SDK1: variants seen among roughly 807,000 people sequenced by gnomAD.
SDK1 encodes the protein sidekick cell adhesion molecule 1, also known as protein sidekick-1.
In SDK1, 157 loss-of-function variants were observed where a neutral mutation model predicts 245.5. That is an observed-to-expected ratio of 0.64 (90% CI 0.56 to 0.73). The LOEUF (loss-of-function observed/expected upper bound fraction) is 0.73. Ranked by LOEUF, SDK1 falls within the 30% of genes least tolerant of loss-of-function variation. The pLI, the probability that SDK1 is intolerant of heterozygous loss-of-function variation, is 0.00. For missense variants in SDK1, 3,583 were observed against 3,002.3 expected (o/e 1.19, Z -4.52); for synonymous variants, 1,647 against 1,278.5 (o/e 1.29, Z -6.15).
At chr7:3,770,456 A>AT (rs1374636688) in intron 4 of SDK1, among the ~76,000 whole-genome samples, 1 of 152,210 alleles carries the variant, frequency 6.6e-6, no homozygotes, top group Non-Finnish European at 1.5e-5. Flanking sequence ...TTTATCTGAG[A>AT]TAAAAATCTC....
At chr7:4,224,376 G>A (rs1047394807) in intron 40 of SDK1, among the ~76,000 whole-genome samples, 4 of 152,220 alleles carry the variant, frequency 2.6e-5, no homozygotes, top group African/African-American at 9.6e-5. Context: ...CATGGCTGGG[G>A]CAGGAGGAAG....
intron 5 of SDK1, among the ~76,000 whole-genome samples, chr7:3,922,624 G>A (rs1392244468): frequency 6.6e-6 from 1 of 152,176 alleles, no homozygotes; most frequent in African/African-American, 2.4e-5. Context: ...AAGAAATCTA[G>A]TTTTGGGATT....
At chr7:3,806,487 C>G (rs1000517960) in intron 4 of SDK1, among the ~76,000 whole-genome samples, 2 of 152,250 alleles carry the variant, frequency 1.3e-5, no homozygotes, top group Admixed American at 6.5e-5. Context: ...GATGCTCACC[C>G]TTCCCTGCCT....
intron 17 of SDK1, among the ~76,000 whole-genome samples, chr7:4,036,524 AAC>A (rs1788231188): frequency 1.3e-5 from 2 of 152,200 alleles, no homozygotes; most frequent in African/African-American, 4.8e-5. Flanking sequence ...TTAACACCGT[AAC>A]ATAGTTGAAA....
intron 31 of SDK1, among the ~76,000 whole-genome samples, chr7:4,161,269 C>A (rs1042326723): frequency 6.6e-6 from 1 of 152,186 alleles, no homozygotes; most frequent in Non-Finnish European, 1.5e-5. Context: ...TGGCAGACTC[C>A]CCTTCACTTC....
At chr7:3,319,878 C>CTTTTTTTTTTTTTT (rs57770805) in intron 1 of SDK1, among the ~76,000 whole-genome samples, 26 of 88,112 alleles carry the variant, frequency 3.0e-4, no homozygotes, top group South Asian at 4.0e-4. Flanking sequence ...CATTCTTAGT[C>CTTTTTTTTTTTTTT]TTTTTTTTTT....
chr7:3,682,598 C>G (rs1302369456), intron 4 of SDK1, among the ~76,000 whole-genome samples: 3 of 8,504 alleles, frequency 3.5e-4, no homozygotes, highest in Non-Finnish European at 7.0e-4. Context: ...CCTCTCCTTC[C>G]TGTGTTCTTC....
chr7:4,021,769 G>A (rs922690454), intron 17 of SDK1, among the ~76,000 whole-genome samples: 1 of 152,218 alleles, frequency 6.6e-6, no homozygotes, highest in Non-Finnish European at 1.5e-5. Flanking sequence ...TTGTGGCAGA[G>A]GCTGGCAACG....
chr7:4,171,481 T>G (rs1048148993), intron 32 of SDK1, among the ~76,000 whole-genome samples: 1 of 152,144 alleles, frequency 6.6e-6, no homozygotes, highest in Non-Finnish European at 1.5e-5. Flanking sequence ...TTTTTATAGC[T>G]TTAAAAAAAG....
At chr7:3,453,154 T>A (rs569855812) in intron 1 of SDK1, among the ~76,000 whole-genome samples, 1 of 152,152 alleles carries the variant, frequency 6.6e-6, no homozygotes, top group Non-Finnish European at 1.5e-5. Flanking sequence ...TCCAACTCTT[T>A]CCCTCACCAA....
chr7:3,952,094 G>A (rs1780880810), intron 7 of SDK1, 174 bp downstream of exon 7: 2 of 621,358 alleles, frequency 3.2e-6, no homozygotes, highest in Admixed American at 3.2e-5. Flanking sequence ...AAGAATATAA[G>A]TCCATTAAAT....
intron 1 of SDK1, among the ~76,000 whole-genome samples, chr7:3,371,136 C>T (rs189952945): frequency 6.6e-6 from 1 of 152,250 alleles, no homozygotes; most frequent in East Asian, 1.9e-4. Context: ...ATCCTGCCTC[C>T]ACATGCATTG....
At position 4,255,914 on chromosome 7, in the gene SDK1, CTTT is replaced by C. The variant is rs34810935; in HGVS notation, c.6382-9189_6382-9187del. On this transcript the variant is annotated intron_variant, in intron 44 of 44. Transcript: ENST00000404826. ...CTACTCTGAGCACCATTTCCAAATA[CTTT>C]TTTTTTTTTTTTTTTTTTTTGAGAG... Among the ~76,000 whole-genome samples the C allele has an allele frequency of 2.8e-3, 296 of 104,074 alleles. 1 individual carries two copies. Among genetic ancestry groups the C allele is most frequent in the African/African-American group, 9.0e-3 (207 of 22,880 alleles). 68.3% of individuals were successfully genotyped at this position (104,074 alleles called of 152,430 possible). A position where few individuals can be genotyped will look rare whatever the true frequency, so the allele number is the denominator to read the frequency against.
chr7:3,359,844 A>G (rs1780905745), intron 1 of SDK1, among the ~76,000 whole-genome samples: 1 of 152,204 alleles, frequency 6.6e-6, no homozygotes, highest in Non-Finnish European at 1.5e-5. Context: ...CCCTGGAGAC[A>G]GGAATTCTTA....
intron 4 of SDK1, among the ~76,000 whole-genome samples, chr7:3,658,906 C>T (rs1441528171): frequency 2.0e-5 from 3 of 152,166 alleles, no homozygotes; most frequent in Admixed American, 1.3e-4. Flanking sequence ...GTGTGAGCCA[C>T]CATGCCTGGC....
chr7:4,228,654 C>G (rs1190417206), intron 40 of SDK1, among the ~76,000 whole-genome samples: 1 of 152,222 alleles, frequency 6.6e-6, no homozygotes, highest in Non-Finnish European at 1.5e-5. Flanking sequence ...ATTCTCCTGC[C>G]TCAGTCTCCT....
intron 4 of SDK1, among the ~76,000 whole-genome samples, chr7:3,663,218 ATACT>A (rs796415800): frequency 8.5e-5 from 13 of 152,340 alleles, no homozygotes; most frequent in African/African-American, 2.6e-4. Context: ...TAAAATTGTG[ATACT>A]TACTTTTAGA....
intron 14 of SDK1, 84 bp from the exon 15 acceptor site, chr7:4,010,882 C>A: frequency 1.4e-6 from 2 of 1,396,606 alleles, no homozygotes; most frequent in African/African-American, 1.4e-5. Context: ...ATGAGATGTT[C>A]CCTGAGAAAG....
chr7:3,789,934 G>A (rs1037220432), intron 4 of SDK1, among the ~76,000 whole-genome samples: 1 of 152,088 alleles, frequency 6.6e-6, no homozygotes, highest in African/African-American at 2.4e-5. Context: ...GCGGGTAGGG[G>A]GCAAGTGGCA....
Sources: allele counts gnomAD v4.1 joint callset (sites outside exome capture counted in the v4.1 genomes callset), GRCh38; gene constraint gnomAD v4.1.1; transcripts MANE v1.5; gene names NCBI Gene and HGNC (gene_info 2026-07-23, HGNC 2026-07-21).